CCL28: variants seen among roughly 807,000 people sequenced by gnomAD.
The protein encoded by CCL28 is C-C motif chemokine ligand 28.
CCL28 carries 4 observed loss-of-function variants against 7.1 expected under a neutral mutation model. That is an observed-to-expected ratio of 0.56 (90% confidence interval 0.28 to 1.29). CCL28 has a LOEUF of 1.29. CCL28 is among the 50% of genes most tolerant of loss of function. CCL28 has a pLI of 0.11. For synonymous variants in CCL28, 55 were observed against 57.8 expected (o/e 0.95, Z 0.22); for missense variants, 151 against 163.4 (o/e 0.92, Z 0.41).
the CCL28 span, among the ~76,000 whole-genome samples, chr5:43,365,040 C>T: frequency 2.4e-5 from 3 of 126,290 alleles, no homozygotes; most frequent in Admixed American, 9.7e-5. Flanking sequence ...GCGTCTTGGT[C>T]TGTCACCAGG....
At chr5:43,386,038 T>C (rs1018228166) in intron 2 of CCL28, among the ~76,000 whole-genome samples, 3 of 152,164 alleles carry the variant, frequency 2.0e-5, no homozygotes, top group Non-Finnish European at 4.4e-5. Flanking sequence ...GGGAGTCCTA[T>C]TGGAGCCCTT....
chr5:43,403,512 G>A (rs192605580), intron 1 of CCL28, among the ~76,000 whole-genome samples: 67 of 152,224 alleles, frequency 4.4e-4, no homozygotes, highest in African/African-American at 9.9e-4. Context: ...CCATCTGTAC[G>A]TCACCATCAT....
intron 2 of CCL28, chr5:43,387,922 A>T (rs187814333): frequency 3.0e-4 from 47 of 154,626 alleles, no homozygotes; most frequent in Middle Eastern, 3.3e-3. Flanking sequence ...CACCACACCC[A>T]GCCTAACTTT....
intron 1 of CCL28, among the ~76,000 whole-genome samples, chr5:43,393,769 T>A (rs1740682743): frequency 6.6e-6 from 1 of 152,258 alleles, no homozygotes; most frequent in South Asian, 2.1e-4. Context: ...GTTTTTGTAA[T>A]AATAGCTATA....
the CCL28 span, among the ~76,000 whole-genome samples, chr5:43,366,332 C>G: frequency 6.6e-6 from 1 of 152,080 alleles, no homozygotes; most frequent in African/African-American, 2.4e-5. Context: ...ATGTTGGTGA[C>G]CTTTGATGGG....
At chr5:43,387,855 G>A (rs1000721901) in intron 2 of CCL28, among the ~76,000 whole-genome samples, 18 of 152,096 alleles carry the variant, frequency 1.2e-4, no homozygotes, top group Non-Finnish European at 1.2e-4. Context: ...TGAACACCTG[G>A]GCTCAAGCGA....
At chr5:43,395,007 T>C (rs1261323909) in intron 1 of CCL28, among the ~76,000 whole-genome samples, 4 of 151,334 alleles carry the variant, frequency 2.6e-5, no homozygotes, top group Non-Finnish European at 4.4e-5. Flanking sequence ...TTCCATGTTT[T>C]GGGTATTAAG....
rs1456553505 is a variant in CCL28 at position 43,412,241 on chromosome 5, G to C, written c.64+12C>G. ...TCCAGTGAAGGCCTAAGTGTCCAGT[G>C]CCCCCACTCACCTTCTGAGGCATGT... On this transcript the variant is annotated intron_variant, in intron 1 of 2. Coordinates refer to ENST00000361115, the MANE Select transcript of CCL28 (RefSeq NM_148672.3). 2.5e-6 allele frequency: 4 copies of C among 1,608,150 alleles called. No homozygotes were observed. Among genetic ancestry groups the C allele is most frequent in the Non-Finnish European group, 3.4e-6 (4 of 1,176,496 alleles).
At chr5:43,393,482 G>A (rs1226043914) in intron 1 of CCL28, among the ~76,000 whole-genome samples, 2 of 152,000 alleles carry the variant, frequency 1.3e-5, no homozygotes, top group African/African-American at 4.8e-5. Flanking sequence ...AGCCTCCCAA[G>A]TAGCTGGGAC....
intron 1 of CCL28, among the ~76,000 whole-genome samples, chr5:43,409,334 G>T (rs1741440490): frequency 6.6e-6 from 1 of 152,144 alleles, no homozygotes; most frequent in Non-Finnish European, 1.5e-5. Context: ...GCTGAGGCAG[G>T]AGAATTGCTT....
intron 2 of CCL28, among the ~76,000 whole-genome samples, chr5:43,387,531 A>G (rs1740387817): frequency 6.6e-6 from 1 of 152,240 alleles, no homozygotes; most frequent in South Asian, 2.1e-4. Flanking sequence ...TTGGATTGGC[A>G]TTTCTGATTG....
intron 1 of CCL28, among the ~76,000 whole-genome samples, chr5:43,392,079 G>A (rs1261173297): frequency 2.6e-5 from 4 of 152,060 alleles, no homozygotes; most frequent in African/African-American, 9.7e-5. Context: ...GTAAATCTGA[G>A]GGGAGGCTTG....
At chr5:43,378,136 A>G (rs1739963575), downstream of CCL28, among the ~76,000 whole-genome samples, 1 of 135,986 alleles carries the variant, frequency 7.4e-6, no homozygotes, top group Non-Finnish European at 1.5e-5. Flanking sequence ...TAAGCCCAGG[A>G]GTTCAAGACC....
At chr5:43,386,683 A>G (rs1023326184) in intron 2 of CCL28, among the ~76,000 whole-genome samples, 1 of 152,254 alleles carries the variant, frequency 6.6e-6, no homozygotes, top group Non-Finnish European at 1.5e-5. Context: ...GGAAGTTCAC[A>G]GCCCCTAACC....
chr5:43,386,561 A>G (rs1387870888), intron 2 of CCL28, among the ~76,000 whole-genome samples: 1 of 152,184 alleles, frequency 6.6e-6, no homozygotes, highest in Non-Finnish European at 1.5e-5. Flanking sequence ...CCTCCCCTAC[A>G]TCTGACCCTG....
chr5:43,392,269 A>G (rs1740604839), intron 1 of CCL28, among the ~76,000 whole-genome samples: 1 of 152,156 alleles, frequency 6.6e-6, no homozygotes, highest in African/African-American at 2.4e-5. Context: ...GGTGTGTGCC[A>G]ACACGCCTGT....
chr5:43,382,069 C>T lies in CCL28; in HGVS notation c.192-17G>A. On this transcript the variant is annotated splice_polypyrimidine_tract_variant and intron_variant, in intron 2 of 2. Coordinates refer to ENST00000361115, the MANE Select transcript of CCL28 (RefSeq NM_148672.3). ...ACATGAAGGCTGTTAGAAAAGGAAGCAAAAGAAAGTCACTGATATAAAACA... is the reference window on the plus strand; with the variant it reads ...ACATGAAGGCTGTTAGAAAAGGAAGTAAAAGAAAGTCACTGATATAAAACA... 2 of 1,595,736 alleles carry T rather than the reference C, an allele frequency of 1.3e-6. No homozygotes were observed. The highest frequency in any genetic ancestry group is 1.7e-6 in the Non-Finnish European group (2 of 1,170,566).
chr5:43,398,853 A>AG (rs1319859324), intron 1 of CCL28, among the ~76,000 whole-genome samples: 11 of 151,686 alleles, frequency 7.3e-5, no homozygotes, highest in Admixed American at 2.6e-4. Context: ...CCATCTCAAA[A>AG]AAAAAGAAGA....
At chr5:43,393,079 A>C (rs1192627091) in intron 1 of CCL28, among the ~76,000 whole-genome samples, 1 of 152,330 alleles carries the variant, frequency 6.6e-6, no homozygotes, top group Middle Eastern at 3.4e-3. Context: ...AAGTTTTTGC[A>C]TGAGAATACC....
Sources: gnomAD v4.1 joint callset for allele counts (sites outside exome capture counted in the v4.1 genomes callset) on GRCh38, gnomAD v4.1.1 for gene constraint, MANE v1.5 for transcripts, NCBI Gene and HGNC (gene_info 2026-07-23, HGNC 2026-07-21) for gene names.